Variants in FBXO25 observed in about 807,000 individuals in gnomAD.
FBXO25 encodes the protein F-box only protein 25.
Under a neutral mutation model 51.9 loss-of-function variants are expected in FBXO25, and 45 were observed. The observed-to-expected ratio is 0.87, with a 90% confidence interval of 0.68 to 1.11. The LOEUF is 1.11. FBXO25 is among the 50% of genes most tolerant of loss of function. FBXO25 has a pLI of 0.00. For missense variants in FBXO25, 507 were observed against 428.5 expected (o/e 1.18, Z -1.62); for synonymous variants, 199 against 151.0 (o/e 1.32, Z -2.33).
At position 463,123 on chromosome 8, in the gene FBXO25, T is replaced by C; in HGVS notation, c.960T>C (p.Cys320=). ...KEQYGDTLHF[C]RHCSILFWKD... ...AGTACGGAGACACACTGCATTTCTG[T>C]CGGCACTGCAGCATTCTCTTTTGGA... Residue 320 remains cysteine (C), a synonymous_variant, in exon 9 of 10, where the codon TGT becomes TGC. Transcript: ENST00000350302. 2 of 1,613,300 alleles carry C rather than the reference T, an allele frequency of 1.2e-6. No individual in the cohort carries two copies. Among genetic ancestry groups the C allele is most frequent in the Non-Finnish European group, 1.7e-6 (2 of 1,179,878 alleles).
At chr8:434,750 T>C (rs559837455) in intron 4 of FBXO25, among the ~76,000 whole-genome samples, 1 of 152,354 alleles carries the variant, frequency 6.6e-6, no homozygotes, top group South Asian at 2.1e-4. Flanking sequence ...AGGATGAAGA[T>C]GGAGTTTAAA....
At chr8:468,077 G>T (rs1800302274) in intron 9 of FBXO25, 2 of 1,121,562 alleles carry the variant, frequency 1.8e-6, no homozygotes, top group Admixed American at 4.7e-5. Context: ...AGAGCCTCTG[G>T]TCCCGTTTAC....
rs182059198 is a variant in FBXO25, at chr8:476,677, G to A, written c.*7873G>A. ...AGTACTCTTAATCCTTTTTATTTCTGTAAAATCAGTTGTAATGTCTCCTCC... is the reference window on the plus strand; with the variant it reads ...AGTACTCTTAATCCTTTTTATTTCTATAAAATCAGTTGTAATGTCTCCTCC... On this transcript the variant is annotated 3_prime_UTR_variant, in exon 10 of 10. Coordinates refer to ENST00000350302, the MANE Select transcript of FBXO25 (RefSeq NM_183420.2). 4.6e-5 allele frequency: 7 copies of A among 152,136 alleles called. No homozygotes were observed. The highest frequency in any genetic ancestry group is 2.6e-4 in the Admixed American group (4 of 15,282). 9.4% of individuals were successfully genotyped at this position (152,136 alleles called of 1,614,324 possible).
rs2116899317 is a variant in FBXO25 at position 474,680 on chromosome 8, T to C, written c.*5876T>C. 2.2e-6 allele frequency: 1 copy of C among 449,542 alleles called. No homozygotes were observed. Among genetic ancestry groups the C allele is most frequent in the South Asian group, 1.6e-5 (1 of 62,388 alleles). 27.8% of individuals were successfully genotyped at this position (449,542 alleles called of 1,614,324 possible). A position where few individuals can be genotyped will look rare whatever the true frequency, so the allele number is the denominator to read the frequency against. The stretch of plus-strand genomic sequence containing the variant: ...CGTTTATATGTCGTCTTTGGAGAAA[T>C]GTCTATTTGGGCTCTTTGTCCATTT... On this transcript the variant is annotated 3_prime_UTR_variant, in exon 10 of 10. Transcript: ENST00000350302.
intron 1 of FBXO25, among the ~76,000 whole-genome samples, chr8:409,927 CTGATAAACT>C (rs1563057277): frequency 6.6e-6 from 1 of 152,194 alleles, no homozygotes; most frequent in Non-Finnish European, 1.5e-5. Flanking sequence ...TACCAGTCCT[CTGATAAACT>C]TTCTCCATTT....
intron 5 of FBXO25, among the ~76,000 whole-genome samples, chr8:437,594 A>C (rs1167712345): frequency 6.6e-6 from 1 of 152,228 alleles, no homozygotes; most frequent in African/African-American, 2.4e-5. Context: ...TAAAAACAAA[A>C]ACAAGAAGCA....
intron 5 of FBXO25, among the ~76,000 whole-genome samples, chr8:436,595 C>T (rs913138928): frequency 7.9e-5 from 12 of 152,188 alleles, no homozygotes; most frequent in Non-Finnish European, 1.5e-4. Context: ...GCAGGCTGGA[C>T]TTCCCTGGTG....
At chr8:420,832 G>T (rs1228490455) in intron 2 of FBXO25, among the ~76,000 whole-genome samples, 1 of 152,196 alleles carries the variant, frequency 6.6e-6, no homozygotes, top group Admixed American at 6.5e-5. Flanking sequence ...GGGGAGTGAT[G>T]GGACTGTGTT....
In FBXO25 at chr8:461,769, T is replaced by G. The variant is rs972837984; in HGVS notation, c.844-1238T>G. Among the ~76,000 whole-genome samples, 3 of 152,228 alleles carry G rather than the reference T, an allele frequency of 2.0e-5. No individual in the cohort carries two copies. In the South Asian group the frequency reaches 6.2e-4, roughly 32 times the overall value. The stretch of plus-strand genomic sequence containing the variant: ...AGAGGAATCTATGGCATTTCTCATC[T>G]TGTGACTGGCTTCTTACCCTTTGCA... On this transcript the variant is annotated intron_variant, in intron 8 of 9. Transcript: ENST00000350302.
intron 5 of FBXO25, among the ~76,000 whole-genome samples, chr8:446,225 G>A (rs1234186474): frequency 3.9e-5 from 6 of 152,092 alleles, no homozygotes; most frequent in Admixed American, 1.3e-4. Flanking sequence ...GCCCCTAGAC[G>A]ATGCTTTGGG....
rs1447064885 is a variant in FBXO25 at position 476,999 on chromosome 8, A to C, written c.*8195A>C. ...TGTTTTTTTGTATATTACATTTTTC[A>C]TTTACCACAAGATATTTTCTAATTT... is the stretch of plus-strand genomic sequence containing the variant. On this transcript the variant is annotated 3_prime_UTR_variant, in exon 10 of 10. Coordinates refer to ENST00000350302, the MANE Select transcript of FBXO25 (RefSeq NM_183420.2). 1 of 138,240 alleles carries C rather than the reference A, an allele frequency of 7.2e-6. No homozygotes were observed. The highest frequency in any genetic ancestry group is 1.5e-5 in the Non-Finnish European group (1 of 64,918). The allele number at this position is 138,240 out of a possible 1,614,324, so 8.6% of individuals were successfully genotyped here. A position where few individuals can be genotyped will look rare whatever the true frequency, so the allele number is the denominator to read the frequency against.
intron 1 of FBXO25, among the ~76,000 whole-genome samples, chr8:410,051 C>G (rs1482452896): frequency 6.6e-6 from 1 of 152,114 alleles, no homozygotes; most frequent in African/African-American, 2.4e-5. Context: ...CCTTGCCTCT[C>G]CATTCATTTA....
intron 7 of FBXO25, among the ~76,000 whole-genome samples, chr8:451,681 A>G (rs975751856): frequency 1.3e-5 from 2 of 152,234 alleles, no homozygotes; most frequent in African/African-American, 4.8e-5. Context: ...GGCTGATCCT[A>G]TGGGTGATTA....
At chr8:448,776 A>G (rs1213250014) in intron 5 of FBXO25, among the ~76,000 whole-genome samples, 1 of 152,200 alleles carries the variant, frequency 6.6e-6, no homozygotes, top group Non-Finnish European at 1.5e-5. Flanking sequence ...ATCAAGTTGT[A>G]GAGGAGAGGG....
intron 5 of FBXO25, among the ~76,000 whole-genome samples, chr8:449,373 A>G (rs1158362258): frequency 6.6e-5 from 10 of 152,364 alleles, no homozygotes; most frequent in Admixed American, 1.3e-4. Flanking sequence ...GGAGACCTCT[A>G]CTTCGTGGGT....
chr8:414,189 CTT>C (rs1259523877), intron 2 of FBXO25, among the ~76,000 whole-genome samples: 1 of 152,166 alleles, frequency 6.6e-6, no homozygotes, highest in Non-Finnish European at 1.5e-5. Flanking sequence ...TATTTTTAAA[CTT>C]ATATTGTAGC....
At chr8:451,079 G>T in intron 6 of FBXO25, 190 bp from the exon 7 acceptor site, 2 of 529,836 alleles carry the variant, frequency 3.8e-6, no homozygotes, top group East Asian at 3.2e-5. Context: ...ATGTCTTCAG[G>T]GTTCATCCAT....
intron 2 of FBXO25, among the ~76,000 whole-genome samples, chr8:419,229 C>A (rs185618239): frequency 6.6e-6 from 1 of 151,766 alleles, no homozygotes; most frequent in Admixed American, 6.6e-5. Flanking sequence ...ATTAGCCGAG[C>A]GTGGTGACAG....
intron 7 of FBXO25, among the ~76,000 whole-genome samples, chr8:457,328 A>G (rs1032647501): frequency 1.3e-4 from 20 of 152,142 alleles, no homozygotes; most frequent in African/African-American, 4.8e-4. Flanking sequence ...CTCAAACCCA[A>G]TCCAGGGCTG....
Sources: allele counts gnomAD v4.1 joint callset (sites outside exome capture counted in the v4.1 genomes callset), GRCh38; gene constraint gnomAD v4.1.1; transcripts MANE v1.5; gene names NCBI Gene and HGNC (gene_info 2026-07-23, HGNC 2026-07-21).